Variants in PRKCE observed in about 807,000 individuals in gnomAD.
The protein encoded by PRKCE is protein kinase C epsilon type.
In PRKCE, 16 loss-of-function variants were observed where a neutral mutation model predicts 85.4. That is an observed-to-expected ratio of 0.19 (90% CI 0.13 to 0.28). The LOEUF (loss-of-function observed/expected upper bound fraction) is 0.28. PRKCE is among the 10% of genes least tolerant of loss of function. The pLI, the probability that PRKCE is intolerant of heterozygous loss-of-function variation, is 1.00. For missense variants in PRKCE, 573 were observed against 975.2 expected (o/e 0.59, Z 5.49); for synonymous variants, 388 against 371.5 (o/e 1.04, Z -0.51).
intron 1 of PRKCE, among the ~76,000 whole-genome samples, chr2:45,737,008 G>A (rs1255626635): frequency 2.0e-5 from 3 of 152,178 alleles, no homozygotes; most frequent in African/African-American, 4.8e-5. Context: ...GGGAGCTGCC[G>A]CCTTCAGGAG....
chr2:45,873,985 G>A (rs1317995448), intron 2 of PRKCE, among the ~76,000 whole-genome samples: 4 of 152,220 alleles, frequency 2.6e-5, no homozygotes, highest in East Asian at 1.9e-4. Context: ...TTGGACAGAC[G>A]CCATTTACCT....
intron 2 of PRKCE, among the ~76,000 whole-genome samples, chr2:45,871,399 C>G (rs752502640): frequency 5.3e-5 from 8 of 152,224 alleles, no homozygotes; most frequent in Non-Finnish European, 1.0e-4. Flanking sequence ...ATTATGTGCT[C>G]CAGGGAACCT....
At chr2:45,975,215 T>C (rs1386657856) in intron 2 of PRKCE, among the ~76,000 whole-genome samples, 3 of 152,206 alleles carry the variant, frequency 2.0e-5, no homozygotes, top group African/African-American at 7.2e-5. Context: ...TTCATTGAGA[T>C]GTATTGTATC....
rs185964021 is a variant in PRKCE, at chr2:45,681,114, C to G, written c.348+28666C>G. Among the ~76,000 whole-genome samples the G allele has an allele frequency of 1.3e-3, 196 of 151,932 alleles. 1 individual carries two copies. Among genetic ancestry groups the G allele is most frequent in the Admixed American group, 3.7e-3 (56 of 15,282 alleles). Reference sequence around the variant, plus strand: ...GACCAGCCTGGCCAAGATGCTAAAACCCCGTCTCTACTAAAAATACAAAAA... The same window carrying G: ...GACCAGCCTGGCCAAGATGCTAAAAGCCCGTCTCTACTAAAAATACAAAAA... On this transcript the variant is annotated intron_variant, in intron 1 of 14. Transcript: ENST00000306156.
At chr2:45,790,771 AATACAC>A (rs1250113874) in intron 1 of PRKCE, among the ~76,000 whole-genome samples, 1 of 152,236 alleles carries the variant, frequency 6.6e-6, no homozygotes, top group Non-Finnish European at 1.5e-5. Flanking sequence ...TTGATTTGTG[AATACAC>A]TTTGTATCTG....
chr2:46,106,375 T>G (rs1410871546), intron 11 of PRKCE, among the ~76,000 whole-genome samples: 1 of 152,250 alleles, frequency 6.6e-6, no homozygotes, highest in Non-Finnish European at 1.5e-5. Flanking sequence ...AAGTGTTCAT[T>G]CCCAGTATAT....
At chr2:45,681,639 T>G (rs1480945506) in intron 1 of PRKCE, among the ~76,000 whole-genome samples, 1 of 152,212 alleles carries the variant, frequency 6.6e-6, no homozygotes, top group Admixed American at 6.5e-5. Context: ...CTCTGCTGAT[T>G]ATCTCTACCT....
rs1196942964 is a variant in PRKCE at position 46,185,008 on chromosome 2, C to T, written c.*127C>T. On this transcript the variant is annotated 3_prime_UTR_variant, in exon 15 of 15. Coordinates refer to ENST00000306156, the MANE Select transcript of PRKCE (RefSeq NM_005400.3). The surrounding 1 kb of genome is among the most constrained non-coding windows in gnomAD (Gnocchi z 4.7). ...GGAGCCCCAGTCCCATGTCCACTGT[C>T]TATTTATTGCATTCCCTTGCCCCAG... The T allele has an allele frequency of 2.3e-6, 3 of 1,296,788 alleles. No individual in the cohort carries two copies. Among genetic ancestry groups the T allele is most frequent in the Non-Finnish European group, 3.2e-6 (3 of 948,256 alleles). The allele number at this position is 1,296,788 out of a possible 1,614,324, so 80.3% of individuals were successfully genotyped here. A position where few individuals can be genotyped will look rare whatever the true frequency, so the allele number is the denominator to read the frequency against.
intron 6 of PRKCE, among the ~76,000 whole-genome samples, chr2:45,986,326 C>T (rs1255245081): frequency 1.3e-5 from 2 of 152,046 alleles, no homozygotes; most frequent in Non-Finnish European, 2.9e-5. Flanking sequence ...GATGTTTTTT[C>T]AGAATGTTTT....
At chr2:46,046,341 GAGATCATTTCCCCCAACA>G (rs1180549650) in intron 10 of PRKCE, among the ~76,000 whole-genome samples, 1 of 152,222 alleles carries the variant, frequency 6.6e-6, no homozygotes, top group Non-Finnish European at 1.5e-5. Context: ...TCTAGGGCTA[GAGATCATTTCCCCCAACA>G]ATATGCAGTG....
chr2:45,696,050 A>G (rs1678122003), intron 1 of PRKCE, among the ~76,000 whole-genome samples: 1 of 150,724 alleles, frequency 6.6e-6, no homozygotes, highest in Non-Finnish European at 1.5e-5. Context: ...TTAACTCGTC[A>G]TTTAGCATTA....
At chr2:46,162,720 G>C (rs1656288666) in intron 14 of PRKCE, among the ~76,000 whole-genome samples, 1 of 152,146 alleles carries the variant, frequency 6.6e-6, no homozygotes, top group African/African-American at 2.4e-5. Flanking sequence ...CTCAGCTGCA[G>C]GTCTTTCAAG....
At chr2:45,749,824 C>T (rs528102184) in intron 1 of PRKCE, among the ~76,000 whole-genome samples, 4 of 152,202 alleles carry the variant, frequency 2.6e-5, no homozygotes, top group Non-Finnish European at 4.4e-5. Flanking sequence ...CTGTTCATTA[C>T]AGCTGCTACA....
intron 1 of PRKCE, among the ~76,000 whole-genome samples, chr2:45,659,121 G>C (rs1193303248): frequency 6.6e-6 from 1 of 152,006 alleles, no homozygotes; most frequent in Non-Finnish European, 1.5e-5. Flanking sequence ...TTTATATATG[G>C]GATTGCCTTC....
chr2:45,825,607 G>A (rs1159950967), intron 1 of PRKCE, among the ~76,000 whole-genome samples: 1 of 152,182 alleles, frequency 6.6e-6, no homozygotes, highest in African/African-American at 2.4e-5. Flanking sequence ...TATGCAGCTG[G>A]GCCCAGTAGC....
chr2:45,820,406 T>C (rs1689436595), intron 1 of PRKCE, among the ~76,000 whole-genome samples: 1 of 151,686 alleles, frequency 6.6e-6, no homozygotes, highest in African/African-American at 2.4e-5. Context: ...AGATTTTATT[T>C]GGAGGGGGAG....
At chr2:46,013,878 A>G (rs928630244) in intron 10 of PRKCE, among the ~76,000 whole-genome samples, 6 of 152,212 alleles carry the variant, frequency 3.9e-5, no homozygotes, top group Admixed American at 6.5e-5. Flanking sequence ...GTTGCCTGGA[A>G]AGACTCAGAA....
At chr2:46,057,903 G>C (rs563607266) in intron 10 of PRKCE, among the ~76,000 whole-genome samples, 2 of 152,146 alleles carry the variant, frequency 1.3e-5, no homozygotes, top group Admixed American at 6.5e-5. Flanking sequence ...ACCACTGTTA[G>C]GGCCATCCAC....
chr2:45,776,343 G>A lies in PRKCE; in HGVS notation c.349-66657G>A, dbSNP rs189803233. On this transcript the variant is annotated intron_variant, in intron 1 of 14. Transcript: ENST00000306156. ...AGACATCATTACTTGAATCCCCTAC[G>A]AGTTTCGGCTTTTCTGCTGGTACAC... 1.4e-3 allele frequency among the ~76,000 whole-genome samples: 220 copies of A among 152,266 alleles called. 1 individual carries two copies. The highest frequency in any genetic ancestry group is 5.1e-3 in the African/African-American group (211 of 41,528).
Sources: gnomAD v4.1 joint callset for allele counts (sites outside exome capture counted in the v4.1 genomes callset) on GRCh38, gnomAD v4.1.1 for gene constraint, Gnocchi (gnomAD v3.1) non-coding constraint, MANE v1.5 for transcripts, NCBI Gene and HGNC (gene_info 2026-07-23, HGNC 2026-07-21) for gene names.